Variants in ZNF30 observed in about 807,000 individuals in gnomAD.
ZNF30 encodes the protein zinc finger protein 30 (KOX 28).
Under a neutral mutation model 13.2 loss-of-function variants are expected in ZNF30, and 15 were observed. The ratio of observed to expected loss-of-function variants is 1.13; its 90% CI spans 0.76 to 1.75. The LOEUF (loss-of-function observed/expected upper bound fraction) is 1.75, where lower values mean the gene tolerates loss of function less well. ZNF30 is among the 40% of genes most tolerant of loss of function. The pLI is 0.00. For missense variants in ZNF30, 726 were observed against 757.0 expected (o/e 0.96, Z 0.48); for synonymous variants, 223 against 256.6 (o/e 0.87, Z 1.25).
rs780410589 is a variant in ZNF30 at position 34,943,228 on chromosome 19, CAGTTGGA to C, written c.265_271del (p.Leu89MetfsTer24). 6.7e-7 allele frequency: 1 copy of C among 1,489,756 alleles called. No individual in the cohort carries two copies. The highest frequency in any genetic ancestry group is 8.9e-7 in the Non-Finnish European group (1 of 1,118,076). The allele number at this position is 1,489,756 out of a possible 1,614,324, so 92.3% of individuals were successfully genotyped here. ...TTTTTAAAATTTTCTTTCAGATTTGCAGTTGGAAGATGATACAATCGGCTGTAAAGAA... is the reference window on the plus strand; with the variant it reads ...TTTTTAAAATTTTCTTTCAGATTTGCAGATGATACAATCGGCTGTAAAGAA... On this transcript the variant is annotated frameshift_variant, in exon 5 of 5. Transcript: ENST00000601142. LOFTEE classifies it low-confidence loss of function (END_TRUNC).
intron 2 of ZNF30, among the ~76,000 whole-genome samples, chr19:34,931,032 T>C (rs1282522745): frequency 1.4e-5 from 2 of 144,438 alleles, no homozygotes; most frequent in East Asian, 4.1e-4. Flanking sequence ...TTTTTTTTTC[T>C]TTTTTTCTTT....
At position 34,944,822 on chromosome 19, in the gene ZNF30, T is replaced by C. The variant is rs1449695293; in HGVS notation, c.1856T>C (p.Met619Thr). 3.1e-6 allele frequency: 5 copies of C among 1,602,308 alleles called. No homozygotes were observed. Among genetic ancestry groups the C allele is most frequent in the East Asian group, 2.2e-5 (1 of 44,700 alleles). ...SALKVHLRKH[M>T]SVIP The stretch of plus-strand genomic sequence containing the variant: ...CTTAAAGTGCATCTGAGAAAACATA[T>C]GAGTGTTATACCCTAAGAGTCTGAG... The change falls in exon 5 of 5, where the codon ATG becomes ACG. Residue 619 changes from methionine (M) to threonine (T), a missense_variant. Coordinates refer to ENST00000601142, the MANE Select transcript of ZNF30 (RefSeq NM_194325.3).
intron 4 of ZNF30, among the ~76,000 whole-genome samples, chr19:34,936,864 C>G (rs1474768404): frequency 6.6e-6 from 1 of 152,082 alleles, no homozygotes; most frequent in Non-Finnish European, 1.5e-5. Flanking sequence ...CCACTGCACT[C>G]TAGCCTGGGC....
intron 2 of ZNF30, among the ~76,000 whole-genome samples, 168 bp downstream of exon 2, chr19:34,930,124 A>G (rs1328206134): frequency 1.3e-5 from 2 of 152,156 alleles, no homozygotes; most frequent in Non-Finnish European, 2.9e-5. Flanking sequence ...CGAGGTCCTC[A>G]TTTCTAATCG....
At position 34,931,886 on chromosome 19, in the gene ZNF30, A is replaced by G; in HGVS notation, c.53A>G (p.Asp18Gly). 1 of 1,613,352 alleles carries G rather than the reference A, an allele frequency of 6.2e-7. No homozygotes were observed. The highest frequency in any genetic ancestry group is 1.3e-5 in the African/African-American group (1 of 75,030). Reference sequence around the variant, plus strand: ...TATCACGGATCAGTGACATTTGAGGATGTGGCCATAGCCTTCTCCCAGCAG... The same window carrying G: ...TATCACGGATCAGTGACATTTGAGGGTGTGGCCATAGCCTTCTCCCAGCAG... ...LQYHGSVTFE[D>G]VAIAFSQQEW... The change falls in exon 3 of 5, where the codon GAT becomes GGT. Residue 18 changes from aspartate (D) to glycine (G), a missense_variant. Transcript: ENST00000601142.
intron 1 of ZNF30, among the ~76,000 whole-genome samples, chr19:34,928,244 TATATATATATAG>T (rs1353137098): frequency 1.5e-4 from 8 of 54,360 alleles, no homozygotes; most frequent in Admixed American, 4.1e-4. Context: ...TATATATATA[TATATATATATAG>T]ATAGATAGAT....
chr19:34,933,640 C>A lies in ZNF30; in HGVS notation c.173C>A (p.Ser58Tyr). The A allele has an allele frequency of 6.3e-7, 1 of 1,598,742 alleles. No individual in the cohort carries two copies. The highest frequency in any genetic ancestry group is 1.1e-5 in the South Asian group (1 of 87,984). The change falls in exon 4 of 5, where the codon TCT (serine) becomes TAT (tyrosine). Residue 58 changes from serine (S) to tyrosine (Y), a missense_variant. Physicochemically the swap from Ser to Tyr is moderately radical, Grantham distance 144 (BLOSUM62 -2). Coordinates refer to ENST00000601142, the MANE Select transcript of ZNF30 (RefSeq NM_194325.3). ...RNLVSMGHSR[S>Y]KPHVIALLEQ... Reference sequence around the variant, plus strand: ...ATCTCATAAGCAGGACATTCCCGTTCTAAACCACATGTGATCGCCTTATTG... The same window carrying A: ...ATCTCATAAGCAGGACATTCCCGTTATAAACCACATGTGATCGCCTTATTG...
chr19:34,930,045 G>C (rs1236398018), intron 2 of ZNF30, 89 bp downstream of exon 2: 1 of 1,323,678 alleles, frequency 7.6e-7, no homozygotes, highest in East Asian at 2.5e-5. Context: ...TCATCAGAAT[G>C]TACCATCTAA....
chr19:34,928,260 G>GAT (rs2012232588), intron 1 of ZNF30, among the ~76,000 whole-genome samples: 1 of 45,298 alleles, frequency 2.2e-5, no homozygotes, highest in Non-Finnish European at 3.7e-5. Context: ...TATATAGATA[G>GAT]ATAGATAGAT....
Position 34,929,884 on chromosome 19 carries a change from C to T in ZNF30, c.-64C>T, listed in dbSNP as rs566152338. 9.2e-5 allele frequency: 138 copies of T among 1,496,644 alleles called. No individual in the cohort carries two copies. The highest frequency in any genetic ancestry group is 2.6e-4 in the Admixed American group (13 of 50,236). The allele number at this position is 1,496,644 out of a possible 1,614,324, so 92.7% of individuals were successfully genotyped here. On this transcript the variant is annotated splice_region_variant and 5_prime_UTR_variant, in exon 2 of 5. Coordinates refer to ENST00000601142, the MANE Select transcript of ZNF30 (RefSeq NM_194325.3). Reference sequence around the variant, plus strand: ...CTTTTCTCCTCTCTGGATTTTCTAGCTTTTGAACTTCTCAGATAGAGGAAC... The same window carrying T: ...CTTTTCTCCTCTCTGGATTTTCTAGTTTTTGAACTTCTCAGATAGAGGAAC...
intron 4 of ZNF30, among the ~76,000 whole-genome samples, 200 bp from the exon 5 acceptor site, chr19:34,943,023 T>C (rs1479336804): frequency 6.6e-6 from 1 of 152,064 alleles, no homozygotes; most frequent in Non-Finnish European, 1.5e-5. Flanking sequence ...GAAAACTGTT[T>C]CACTAATCAC....
chr19:34,943,145 A>G, intron 4 of ZNF30, 78 bp from the exon 5 acceptor site: 1 of 1,072,818 alleles, frequency 9.3e-7, no homozygotes, highest in Non-Finnish European at 1.3e-6. Context: ...AGTTGGTGTT[A>G]TTTTCAGTTT....
intron 4 of ZNF30, among the ~76,000 whole-genome samples, 172 bp from the exon 5 acceptor site, chr19:34,943,051 A>G (rs1393073230): frequency 6.6e-6 from 1 of 151,466 alleles, no homozygotes; most frequent in East Asian, 1.9e-4. Context: ...ACTATTTTAC[A>G]TAAACACTTG....
In ZNF30 at chr19:34,943,526, G is replaced by T. The variant is rs776675091; in HGVS notation, c.560G>T (p.Ser187Ile). 2.5e-6 allele frequency: 4 copies of T among 1,612,826 alleles called. No individual in the cohort carries two copies. In the African/African-American group the frequency reaches 5.4e-5, roughly 22 times the overall value. Reference sequence around the variant, plus strand: ...GAAAAATGTGGGAAGGCCTTTATCAGTGGCTCAGCCTTTGTTAAGCATGGG... The same window carrying T: ...GAAAAATGTGGGAAGGCCTTTATCATTGGCTCAGCCTTTGTTAAGCATGGG... The part of the protein sequence containing the change: ...KYEKCGKAFI[S>I]GSAFVKHGRI... Residue 187 changes from serine (S) to isoleucine (I), a missense_variant, in exon 5 of 5, where the codon AGT becomes ATT. Coordinates refer to ENST00000601142, the MANE Select transcript of ZNF30 (RefSeq NM_194325.3).
At chr19:34,933,519 A>T in intron 3 of ZNF30, 109 bp from the exon 4 acceptor site, 1 of 708,848 alleles carries the variant, frequency 1.4e-6, no homozygotes, top group Non-Finnish European at 2.4e-6. Context: ...TGTCTGAGAT[A>T]TAAAGGTCAA....
Position 34,943,329 on chromosome 19 carries a change from A to G in ZNF30, c.363A>G (p.Glu121=), listed in dbSNP as rs531852213. 1 of 1,613,986 alleles carries G rather than the reference A, an allele frequency of 6.2e-7. No homozygotes were observed. Among genetic ancestry groups the G allele is most frequent in the Non-Finnish European group, 8.5e-7 (1 of 1,179,880 alleles). The change falls in exon 5 of 5, where the codon GAA becomes GAG. Residue 121 remains glutamate, a synonymous_variant. Transcript: ENST00000601142. ...HQKISRQKPR[E]CQEYGKTLCQ... is the part of the protein sequence containing the mutation. The stretch of plus-strand genomic sequence containing the variant: ...AAATAAGTAGACAGAAACCACGTGA[A>G]TGTCAGGAATATGGAAAGACCCTTT...
intron 1 of ZNF30, among the ~76,000 whole-genome samples, chr19:34,929,148 A>G (rs2012298513): frequency 6.6e-6 from 1 of 152,094 alleles, no homozygotes; most frequent in Non-Finnish European, 1.5e-5. Context: ...GGGCGTGACT[A>G]TGCGCCTGTA....
chr19:34,928,240 TATATATATATATATAGATAG>T (rs2012215936), intron 1 of ZNF30, among the ~76,000 whole-genome samples: 5 of 108,890 alleles, frequency 4.6e-5, no homozygotes, highest in African/African-American at 2.5e-4. Context: ...TATATATATA[TATATATATATATATAGATAG>T]ATAGATAGAT....
upstream of ZNF30, among the ~76,000 whole-genome samples, chr19:34,926,265 ACC>A (rs2012070769): frequency 6.6e-6 from 1 of 152,216 alleles, no homozygotes; most frequent in Middle Eastern, 3.2e-3. Flanking sequence ...CATTACATAA[ACC>A]AAAAGAAGAA....
Sources: gnomAD v4.1 joint callset for allele counts (sites outside exome capture counted in the v4.1 genomes callset) on GRCh38, gnomAD v4.1.1 for gene constraint, MANE v1.5 for transcripts, NCBI Gene and HGNC (gene_info 2026-07-23, HGNC 2026-07-21) for gene names.